The following UBE2E1 variants were observed in gnomAD, a reference collection of about 807,000 sequenced individuals.
UBE2E1 encodes ubiquitin-conjugating enzyme E2 E1.
UBE2E1 carries 6 observed loss-of-function variants against 21.4 expected under a neutral mutation model. The ratio of observed to expected loss-of-function variants is 0.28; its 90% confidence interval spans 0.15 to 0.55. The LOEUF (loss-of-function observed/expected upper bound fraction) is 0.55. Ranked by LOEUF, UBE2E1 falls within the 20% of genes least tolerant of loss-of-function variation. The pLI is 0.93. For synonymous variants in UBE2E1, 87 were observed against 82.7 expected, an observed-to-expected ratio of 1.05 and a Z score of -0.28; for missense variants, 142 against 236.5, an observed-to-expected ratio of 0.60 and a Z score of 2.62.
chr3:23,865,806 G>C (rs974259343), intron 3 of UBE2E1, among the ~76,000 whole-genome samples: 13 of 152,160 alleles, frequency 8.5e-5, no homozygotes, highest in Non-Finnish European at 1.5e-5. Context: ...AGCCAGTTTC[G>C]TGCCTGACCA....
intron 3 of UBE2E1, among the ~76,000 whole-genome samples, chr3:23,882,609 C>T (rs373187897): frequency 4.8e-4 from 73 of 150,856 alleles, no homozygotes; most frequent in African/African-American, 1.7e-3. Flanking sequence ...AGGCTCAGGC[C>T]ACGTGGGAGC....
At chr3:23,864,630 T>C (rs960232655) in intron 3 of UBE2E1, among the ~76,000 whole-genome samples, 1 of 152,240 alleles carries the variant, frequency 6.6e-6, no homozygotes, top group Non-Finnish European at 1.5e-5. Context: ...TGCAATGTAT[T>C]CTGTCTCTCT....
intron 3 of UBE2E1, among the ~76,000 whole-genome samples, chr3:23,832,371 G>A (rs1330509505): frequency 2.0e-5 from 3 of 152,318 alleles, no homozygotes; most frequent in East Asian, 1.9e-4. Context: ...GGGGCTGGGC[G>A]CAGTGGCTCA....
In UBE2E1 at chr3:23,890,852, A is replaced by G. The variant is rs1701402220; in HGVS notation, c.*246A>G. On this transcript the variant is annotated 3_prime_UTR_variant, in exon 6 of 6. Transcript: ENST00000306627. Reference sequence around the variant, plus strand: ...TATTAGCTGAAATGTAGTACAGAAAAGAATGTACATTTAGACATTTGGGTT... The same window carrying G: ...TATTAGCTGAAATGTAGTACAGAAAGGAATGTACATTTAGACATTTGGGTT... 1 of 342,538 alleles carries G rather than the reference A, an allele frequency of 2.9e-6. No individual in the cohort carries two copies. Among genetic ancestry groups the G allele is most frequent in the African/African-American group, 2.1e-5 (1 of 47,050 alleles). 21.2% of individuals were successfully genotyped at this position (342,538 alleles called of 1,614,324 possible). A position where few individuals can be genotyped will look rare whatever the true frequency, so the allele number is the denominator to read the frequency against.
At chr3:23,825,430 G>T (rs1446970335) in intron 3 of UBE2E1, among the ~76,000 whole-genome samples, 1 of 152,160 alleles carries the variant, frequency 6.6e-6, no homozygotes, top group Non-Finnish European at 1.5e-5. Flanking sequence ...TTATTGTTGT[G>T]CCAGGTACTG....
At chr3:23,822,640 A>G (rs952259703) in intron 3 of UBE2E1, among the ~76,000 whole-genome samples, 25 of 152,344 alleles carry the variant, frequency 1.6e-4, no homozygotes, top group African/African-American at 6.0e-4. Context: ...GTTTGAAATT[A>G]CTGGATAAAT....
At chr3:23,866,506 C>T (rs1575026851) in intron 3 of UBE2E1, 3 of 151,976 alleles carry the variant, frequency 2.0e-5, no homozygotes, top group African/African-American at 7.3e-5. Context: ...TCTATACCTG[C>T]TTTTTTTTAG....
At chr3:23,874,111 A>G (rs1037900509) in intron 3 of UBE2E1, among the ~76,000 whole-genome samples, 1 of 152,258 alleles carries the variant, frequency 6.6e-6, no homozygotes, top group Non-Finnish European at 1.5e-5. Flanking sequence ...GATTGGCAGC[A>G]GTTGCAGTGT....
At chr3:23,843,247 G>A (rs1184525472) in intron 3 of UBE2E1, among the ~76,000 whole-genome samples, 1 of 152,042 alleles carries the variant, frequency 6.6e-6, no homozygotes, top group Admixed American at 6.6e-5. Context: ...TTGTATAATC[G>A]AGGTTAATGC....
At chr3:23,864,953 G>A (rs764324400) in intron 3 of UBE2E1, among the ~76,000 whole-genome samples, 15 of 152,234 alleles carry the variant, frequency 9.9e-5, no homozygotes, top group Non-Finnish European at 1.9e-4. Context: ...GACCACTGGT[G>A]CAGAGACCCT....
At chr3:23,861,283 GCT>G (rs1700549567) in intron 3 of UBE2E1, among the ~76,000 whole-genome samples, 1 of 152,080 alleles carries the variant, frequency 6.6e-6, no homozygotes, top group Non-Finnish European at 1.5e-5. Context: ...CTTTAATTAG[GCT>G]CTCTGCTTCA....
At chr3:23,855,863 T>C (rs1439344359) in intron 3 of UBE2E1, among the ~76,000 whole-genome samples, 1 of 152,018 alleles carries the variant, frequency 6.6e-6, no homozygotes, top group Non-Finnish European at 1.5e-5. Flanking sequence ...AAAAAAGAAG[T>C]AGTGCTTTAG....
chr3:23,869,635 T>G (rs912830391), intron 3 of UBE2E1, among the ~76,000 whole-genome samples: 1 of 145,272 alleles, frequency 6.9e-6, no homozygotes, highest in Non-Finnish European at 1.5e-5. Context: ...ATGCCTATAA[T>G]CCCAGCACTT....
chr3:23,857,001 TAA>T (rs34840201), intron 3 of UBE2E1, among the ~76,000 whole-genome samples: 5 of 129,824 alleles, frequency 3.9e-5, no homozygotes, highest in Non-Finnish European at 4.8e-5. Context: ...GGCTGTCTCT[TAA>T]AAAAAAAAAA....
intron 3 of UBE2E1, among the ~76,000 whole-genome samples, chr3:23,814,887 A>G (rs1414232697): frequency 6.6e-6 from 1 of 152,244 alleles, no homozygotes; most frequent in African/African-American, 2.4e-5. Context: ...TGTCTCAGTG[A>G]CTTAACCTAG....
intron 3 of UBE2E1, among the ~76,000 whole-genome samples, chr3:23,882,998 G>A (rs1210576951): frequency 1.3e-5 from 2 of 152,210 alleles, no homozygotes; most frequent in African/African-American, 4.8e-5. Flanking sequence ...GCAGCAGGGG[G>A]CTGAAGGGCT....
At chr3:23,845,561 T>TTCTC (rs144798695) in intron 3 of UBE2E1, among the ~76,000 whole-genome samples, 3,201 of 136,960 alleles carry the variant, frequency 0.023, 82 homozygotes, top group Non-Finnish European at 0.036. Flanking sequence ...CTGTTTTGGT[T>TTCTC]TCTCTCTCTC....
chr3:23,838,539 G>A (rs1051750920), intron 3 of UBE2E1, among the ~76,000 whole-genome samples: 1 of 151,982 alleles, frequency 6.6e-6, no homozygotes, highest in African/African-American at 2.4e-5. Context: ...CTGTCACCCA[G>A]GCCGGAGTGC....
intron 3 of UBE2E1, among the ~76,000 whole-genome samples, chr3:23,858,986 C>T (rs1367410690): frequency 1.3e-5 from 2 of 152,150 alleles, no homozygotes; most frequent in Non-Finnish European, 2.9e-5. Context: ...GTTGGACAGT[C>T]CCCCACCCCC....
Sources: allele counts gnomAD v4.1 joint callset (sites outside exome capture counted in the v4.1 genomes callset), GRCh38; gene constraint gnomAD v4.1.1; transcripts MANE v1.5; gene names NCBI Gene and HGNC (gene_info 2026-07-23, HGNC 2026-07-21).